The following ELANE variants were observed in gnomAD, a reference collection of about 807,000 sequenced individuals.
ELANE encodes elastase, neutrophil expressed.
A neutral mutation model predicts 20.6 loss-of-function variants in ELANE; 12 were observed. The observed-to-expected ratio is 0.58, with a 90% CI of 0.37 to 0.94. The LOEUF is 0.94. ELANE is among the 40% of genes least tolerant of loss of function. The pLI, the probability that ELANE is intolerant of heterozygous loss-of-function variation, is 0.01. For synonymous variants in ELANE, 203 were observed against 177.4 expected, an observed-to-expected ratio of 1.14 and a Z score of -1.15; for missense variants, 388 against 395.2, an observed-to-expected ratio of 0.98 and a Z score of 0.15.
Position 855,511 on chromosome 19 carries a change from G to T in ELANE, c.367-53G>T, listed in dbSNP as rs530956991. ...GAAACTGAGGCCCGGAGAGGGGAGG[G>T]TCATCATCACTGCCCCGTGTGACGC... On this transcript the variant is annotated intron_variant, in intron 3 of 4. Coordinates refer to ENST00000263621, the MANE Select transcript of ELANE (RefSeq NM_001972.4). This position sits in a 1 kb window ranked among gnomAD's most constrained non-coding sequence, Gnocchi z 6.2. 30 of 1,565,924 alleles carry T rather than the reference G, an allele frequency of 1.9e-5. No homozygotes were observed. The South Asian group carries it at 2.7e-4, about 14-fold the overall frequency.
rs200595736 is a variant in ELANE, at chr19:855,569, C to T, written c.372C>T (p.Asn124=). The T allele has an allele frequency of 5.3e-5, 84 of 1,599,182 alleles. No individual in the cohort carries two copies. The Middle Eastern group carries it at 1.2e-3, about 22-fold the overall frequency. Residue 124 remains asparagine, a synonymous_variant, in exon 4 of 5, where the codon AAC becomes AAT. Transcript: ENST00000263621. This position sits in a 1 kb window ranked among gnomAD's most constrained non-coding sequence, Gnocchi z 6.2. ...ATCTGTCCCCACCGCCACAGCTCAACGGGTCGGCCACCATCAACGCCAACG... is the reference window on the plus strand; with the variant it reads ...ATCTGTCCCCACCGCCACAGCTCAATGGGTCGGCCACCATCAACGCCAACG... ...LLNDIVILQL[N]GSATINANVQ...
chr19:855,523 G>T lies in ELANE; in HGVS notation c.367-41G>T. 6.3e-7 allele frequency: 1 copy of T among 1,586,018 alleles called. No homozygotes were observed. The highest frequency in any genetic ancestry group is 8.5e-7 in the Non-Finnish European group (1 of 1,171,618). ...CGGAGAGGGGAGGGTCATCATCACT[G>T]CCCCGTGTGACGCGCTGACGATCTG... On this transcript the variant is annotated intron_variant, in intron 3 of 4. Coordinates refer to ENST00000263621, the MANE Select transcript of ELANE (RefSeq NM_001972.4). This position sits in a 1 kb window ranked among gnomAD's most constrained non-coding sequence, Gnocchi z 6.2.
At chr19:854,884 C>T (rs547765473) in intron 3 of ELANE, among the ~76,000 whole-genome samples, 3 of 150,394 alleles carry the variant, frequency 2.0e-5, no homozygotes, top group Admixed American at 6.7e-5. Context: ...AGACAAGTCT[C>T]GCTCTGTCGC....
In ELANE at chr19:855,899, C is replaced by T; in HGVS notation, c.598-59C>T. ...GGAGGGACTTCCCAACCCTGACAGG[C>T]GGCGGGCAGGTGGGCAGGGCCTCGC... On this transcript the variant is annotated intron_variant, in intron 4 of 4. Transcript: ENST00000263621. This position sits in a 1 kb window ranked among gnomAD's most constrained non-coding sequence, Gnocchi z 6.2. 15 of 1,608,336 alleles carry T rather than the reference C, an allele frequency of 9.3e-6. No homozygotes were observed. Among genetic ancestry groups the T allele is most frequent in the Non-Finnish European group, 1.2e-5 (14 of 1,178,534 alleles).
In ELANE at chr19:853,001, G is replaced by C. The variant is rs2035617858; in HGVS notation, c.193G>C (p.Val65Leu). 3 of 1,576,236 alleles carry C rather than the reference G, an allele frequency of 1.9e-6. No homozygotes were observed. Among genetic ancestry groups the C allele is most frequent in the South Asian group, 1.1e-5 (1 of 87,860 alleles). ...CGATLIAPNF[V>L]MSAAHCVANV... The stretch of plus-strand genomic sequence containing the variant: ...CGCCACCCTGATTGCGCCCAACTTC[G>C]TCATGTCGGCCGCGCACTGCGTGGC... The change falls in exon 2 of 5, where the codon GTC (valine) becomes CTC (leucine). Residue 65 changes from valine (V) to leucine (L), a missense_variant. By Grantham distance (32) the Val-to-Leu change is conservative (BLOSUM62 1). This residue lies in a region of ELANE where 321 missense variants were observed against 309.8 expected (regional missense o/e 1.04). Coordinates refer to ENST00000263621, the MANE Select transcript of ELANE (RefSeq NM_001972.4).
rs1458247808 is a variant in ELANE, at chr19:855,002, C to T, written c.367-562C>T. On this transcript the variant is annotated intron_variant, in intron 3 of 4. Transcript: ENST00000263621. This position sits in a 1 kb window ranked among gnomAD's most constrained non-coding sequence, Gnocchi z 6.2. ...CCAGGTAGCTGGGACTACAGGCGCCCGCCACCACGCCTGGCTAATTTTTGG... is the reference window on the plus strand; with the variant it reads ...CCAGGTAGCTGGGACTACAGGCGCCTGCCACCACGCCTGGCTAATTTTTGG... Among the ~76,000 whole-genome samples, 1 of 151,560 alleles carries T rather than the reference C, an allele frequency of 6.6e-6. No homozygotes were observed. The highest frequency in any genetic ancestry group is 1.5e-5 in the Non-Finnish European group (1 of 67,904).
rs200116667 is a variant in ELANE at position 852,730 on chromosome 19, CGATCCCGTGGGTTCCCGGTGGGG to C, written c.68-107_68-85del. ...TGAACAACAGGGGTGCGAACGGCCCCGATCCCGTGGGTTCCCGGTGGGGGATCCCGTGGGTTCCCGGTGGGGGA... is the reference window on the plus strand; with the variant it reads ...TGAACAACAGGGGTGCGAACGGCCCCGATCCCGTGGGTTCCCGGTGGGGGA... On this transcript the variant is annotated intron_variant, in intron 1 of 4. Coordinates refer to ENST00000263621, the MANE Select transcript of ELANE (RefSeq NM_001972.4). 23,239 of 1,266,432 alleles carry C rather than the reference CGATCCCGTGGGTTCCCGGTGGGG, an allele frequency of 0.018. 560 individuals carry two copies. The highest frequency in any genetic ancestry group is 0.085 in the African/African-American group (5,552 of 65,098). The allele number at this position is 1,266,432 out of a possible 1,614,324, so 78.4% of individuals were successfully genotyped here.
At position 855,452 on chromosome 19, in the gene ELANE, A is replaced by G; in HGVS notation, c.367-112A>G. On this transcript the variant is annotated intron_variant, in intron 3 of 4. Coordinates refer to ENST00000263621, the MANE Select transcript of ELANE (RefSeq NM_001972.4). This position sits in a 1 kb window ranked among gnomAD's most constrained non-coding sequence, Gnocchi z 6.2. ...GTGTGGGGTGGGTATCCTGCCCTGCAGGATCCCAGAACCACAGTGGAACCT... is the reference window on the plus strand; with the variant it reads ...GTGTGGGGTGGGTATCCTGCCCTGCGGGATCCCAGAACCACAGTGGAACCT... 2 of 1,220,124 alleles carry G rather than the reference A, an allele frequency of 1.6e-6. No homozygotes were observed. Among genetic ancestry groups the G allele is most frequent in the Non-Finnish European group, 2.3e-6 (2 of 859,150 alleles). 75.6% of individuals were successfully genotyped at this position (1,220,124 alleles called of 1,614,324 possible). A position where few individuals can be genotyped will look rare whatever the true frequency, so the allele number is the denominator to read the frequency against.
chr19:854,178 T>G (rs1406896733), intron 3 of ELANE, among the ~76,000 whole-genome samples: 1 of 152,134 alleles, frequency 6.6e-6, no homozygotes, highest in East Asian at 1.9e-4. Context: ...GCCCCGTGGC[T>G]CAGGCCTGTC....
chr19:853,192 GGAC>G (rs1344048522), intron 2 of ELANE, 67 bp from the exon 3 acceptor site: 9 of 1,514,602 alleles, frequency 5.9e-6, no homozygotes, highest in South Asian at 1.2e-5. Flanking sequence ...CGCCGGATGG[GGAC>G]GACAAGGCGC....
In ELANE at chr19:855,783, G is replaced by T; in HGVS notation, c.586G>T (p.Gly196Cys). The change falls in exon 4 of 5, where the codon GGC becomes TGC. Residue 196 changes from glycine to cysteine, a missense_variant. Physicochemically the swap from Gly to Cys is radical, Grantham distance 159 (BLOSUM62 -3). This residue lies in a region of ELANE where 321 missense variants were observed against 309.8 expected (regional missense o/e 1.04). Coordinates refer to ENST00000263621, the MANE Select transcript of ELANE (RefSeq NM_001972.4). This position sits in a 1 kb window ranked among gnomAD's most constrained non-coding sequence, Gnocchi z 6.2. ...CACTCTCGTGAGGGGCCGGCAGGCC[G>T]GCGTCTGTTTCGTACGTGCCCTGGG... The part of the protein sequence containing the change: ...VCTLVRGRQA[G>C]VCFGDSGSPL... 2.5e-6 allele frequency: 4 copies of T among 1,608,652 alleles called. No homozygotes were observed. Among genetic ancestry groups the T allele is most frequent in the Non-Finnish European group, 3.4e-6 (4 of 1,179,942 alleles).
At position 852,311 on chromosome 19, in the gene ELANE, C is replaced by T. The variant is rs756744772; in HGVS notation, c.-18C>T. 1.9e-6 allele frequency: 3 copies of T among 1,605,530 alleles called. No individual in the cohort carries two copies. The highest frequency in any genetic ancestry group is 1.3e-5 in the African/African-American group (1 of 74,848). On this transcript the variant is annotated 5_prime_UTR_variant, in exon 1 of 5. Transcript: ENST00000263621. ...GGCGGGCACGGAGGGGCAGAGACCC[C>T]GGAGCCCCAGCCCCACCATGACCCT... is the stretch of plus-strand genomic sequence containing the variant.
In ELANE at chr19:853,475, G is replaced by T. The variant is rs17216642; in HGVS notation, c.366+72G>T. ...TGGGGAGGGTGGAGGCTGCGACGGAGGGGCGCGTCGGGGCCGCTCGTGGGG... is the reference window on the plus strand; with the variant it reads ...TGGGGAGGGTGGAGGCTGCGACGGATGGGCGCGTCGGGGCCGCTCGTGGGG... On this transcript the variant is annotated intron_variant, in intron 3 of 4. Coordinates refer to ENST00000263621, the MANE Select transcript of ELANE (RefSeq NM_001972.4). The T allele has an allele frequency of 3.4e-5, 52 of 1,511,232 alleles. 1 individual carries two copies. The East Asian group carries it at 1.2e-3, about 36-fold the overall frequency. The allele number at this position is 1,511,232 out of a possible 1,614,324, so 93.6% of individuals were successfully genotyped here. A position where few individuals can be genotyped will look rare whatever the true frequency, so the allele number is the denominator to read the frequency against.
chr19:855,599 G>A lies in ELANE; in HGVS notation c.402G>A (p.Gln134=), dbSNP rs1265303415. The A allele has an allele frequency of 2.5e-6, 4 of 1,601,266 alleles. No individual in the cohort carries two copies. The highest frequency in any genetic ancestry group is 2.5e-6 in the Non-Finnish European group (3 of 1,179,828). ...NGSATINANV[Q]VAQLPAQGRR... is the part of the protein sequence containing the mutation. ...CGGCCACCATCAACGCCAACGTGCA[G>A]GTGGCCCAGCTGCCGGCTCAGGGAC... The change falls in exon 4 of 5, where the codon CAG becomes CAA. Residue 134 remains glutamine, a synonymous_variant. Transcript: ENST00000263621. This position sits in a 1 kb window ranked among gnomAD's most constrained non-coding sequence, Gnocchi z 6.2.
chr19:852,580 T>C, intron 1 of ELANE, among the ~76,000 whole-genome samples, 185 bp downstream of exon 1: 1 of 73,830 alleles, frequency 1.4e-5, no homozygotes, highest in South Asian at 5.5e-4. Flanking sequence ...AGAGTTGGGG[T>C]TTGAAAACCG....
Position 856,155 on chromosome 19 carries a change from G to A in ELANE, c.795G>A (p.Arg265=). ...CCCGGGACCCGGACCCGGCCAGCAG[G>A]ACCCACTGAGAAGGGCTGCCCGGGT... is the stretch of plus-strand genomic sequence containing the variant. ...PHPRDPDPAS[R]TH Residue 265 remains arginine (R), a synonymous_variant, in exon 5 of 5, where the codon AGG becomes AGA. Coordinates refer to ENST00000263621, the MANE Select transcript of ELANE (RefSeq NM_001972.4). 1 of 1,612,860 alleles carries A rather than the reference G, an allele frequency of 6.2e-7. No homozygotes were observed. The highest frequency in any genetic ancestry group is 1.1e-5 in the South Asian group (1 of 91,086).
intron 3 of ELANE, 133 bp downstream of exon 3, chr19:853,536 T>G (rs1599291864): frequency 1.9e-6 from 2 of 1,068,488 alleles, no homozygotes; most frequent in East Asian, 5.3e-5. Context: ...TGGTCCCCTC[T>G]CCGCGCCTCG....
chr19:853,208 C>G, intron 2 of ELANE, 54 bp from the exon 3 acceptor site: 2 of 1,538,186 alleles, frequency 1.3e-6, no homozygotes, highest in Non-Finnish European at 1.8e-6. Flanking sequence ...CAAGGCGCGG[C>G]TGAGCCCCGA....
At position 856,053 on chromosome 19, in the gene ELANE, C is replaced by A. The variant is rs200899282; in HGVS notation, c.693C>A (p.Ala231=). 5 of 1,613,572 alleles carry A rather than the reference C, an allele frequency of 3.1e-6. No individual in the cohort carries two copies. Among genetic ancestry groups the A allele is most frequent in the Non-Finnish European group, 4.2e-6 (5 of 1,180,030 alleles). Residue 231 remains alanine, a synonymous_variant, in exon 5 of 5, where the codon GCC becomes GCA. Transcript: ENST00000263621. ...GGCASGLYPD[A]FAPVAQFVNW... is the part of the protein sequence containing the mutation. ...GCGCCTCAGGGCTCTACCCCGATGC[C>A]TTTGCCCCGGTGGCACAGTTTGTAA...
Sources: gnomAD v4.1 joint callset for allele counts (sites outside exome capture counted in the v4.1 genomes callset) on GRCh38, gnomAD v4.1.1 for gene constraint, gnomAD v4.1.1 regional missense constraint, Gnocchi (gnomAD v3.1) non-coding constraint, MANE v1.5 for transcripts, NCBI Gene and HGNC (gene_info 2026-07-23, HGNC 2026-07-21) for gene names.